Variants in ANKS1A observed in about 807,000 individuals in gnomAD.
ANKS1A encodes the protein ankyrin repeat and SAM domain-containing protein 1A.
ANKS1A carries 55 observed loss-of-function variants against 120.3 expected under a neutral mutation model. The observed-to-expected ratio is 0.46, with a 90% CI of 0.37 to 0.57. ANKS1A has a LOEUF of 0.57. Among genes scored for constraint, ANKS1A ranks in the 20% least tolerant of loss-of-function variants. The probability of loss-of-function intolerance (pLI) is 0.00; values close to 1 mark genes in which losing one functional copy is unlikely to be tolerated. For synonymous variants in ANKS1A, 590 were observed against 604.7 expected (o/e 0.98, Z 0.36); for missense variants, 1,123 against 1,480.3 (o/e 0.76, Z 3.96).
intron 3 of ANKS1A, among the ~76,000 whole-genome samples, chr6:34,972,264 A>G (rs977221679): frequency 3.9e-5 from 6 of 152,170 alleles, no homozygotes; most frequent in African/African-American, 1.2e-4. Context: ...TGCTTTGAGT[A>G]TCTGGTAGGC....
chr6:35,086,186 A>G lies in ANKS1A; in HGVS notation c.3303+250A>G. Reference sequence around the variant, plus strand: ...GGGCTCCCCCAAGGGCAAGGCCGTCAAGGGGCTGCAGAGAGCGGCCTGCAG... The same window carrying G: ...GGGCTCCCCCAAGGGCAAGGCCGTCGAGGGGCTGCAGAGAGCGGCCTGCAG... On this transcript the variant is annotated intron_variant, in intron 22 of 23. Transcript: ENST00000360359. The surrounding 1 kb of genome is among the most constrained non-coding windows in gnomAD (Gnocchi z 5.1). The G allele has an allele frequency of 7.8e-7, 1 of 1,286,790 alleles. No individual in the cohort carries two copies. Among genetic ancestry groups the G allele is most frequent in the Middle Eastern group, 1.9e-4 (1 of 5,268 alleles). The allele number at this position is 1,286,790 out of a possible 1,614,324, so 79.7% of individuals were successfully genotyped here. A position where few individuals can be genotyped will look rare whatever the true frequency, so the allele number is the denominator to read the frequency against.
intron 11 of ANKS1A, among the ~76,000 whole-genome samples, chr6:35,035,367 T>G (rs1775112634): frequency 6.6e-6 from 1 of 152,226 alleles, no homozygotes. Flanking sequence ...TGGCTTTGTT[T>G]TACCTGTTTT....
Position 35,017,476 on chromosome 6 carries a change from A to G in ANKS1A, c.1427A>G (p.His476Arg). Residue 476 changes from histidine to arginine, a missense_variant, in exon 11 of 24, where the codon CAC (histidine) becomes CGC (arginine). Around this residue, in one of 3 missense-constraint regions of ANKS1A, gnomAD observed 904 missense variants for 1,130.4 expected, o/e 0.80. Coordinates refer to ENST00000360359, the MANE Select transcript of ANKS1A (RefSeq NM_015245.3). ...VVLVDGKTKD[H>R]RRSSSSRSQD... is the part of the protein sequence containing the mutation. ...CTGTCTCTCCGTCCACTCCAAGACC[A>G]CAGGCGGAGCAGCAGCAGCCGGAGC... is the stretch of plus-strand genomic sequence containing the variant. 1 of 1,600,748 alleles carries G rather than the reference A, an allele frequency of 6.2e-7. No individual in the cohort carries two copies. Among genetic ancestry groups the G allele is most frequent in the Non-Finnish European group, 8.5e-7 (1 of 1,172,874 alleles).
chr6:34,985,082 G>A lies in ANKS1A; in HGVS notation c.1013G>A (p.Gly338Asp), dbSNP rs770479419. Residue 338 changes from glycine (G) to aspartate (D), a missense_variant and splice_region_variant, in exon 8 of 24, where the codon GGT becomes GAT. Gly to Asp is a moderately conservative substitution (Grantham distance 94). This residue lies in a region of ANKS1A where 904 missense variants were observed against 1,130.4 expected (regional missense o/e 0.80). Coordinates refer to ENST00000360359, the MANE Select transcript of ANKS1A (RefSeq NM_015245.3). ...CTCTTGCCCTCCATCCTCCTCTCAG[G>A]TGACGTGGAGAAAGCAGTGACTGAA... ...SMDSISQKSQ[G>D]DVEKAVTELI... 1 of 1,612,322 alleles carries A rather than the reference G, an allele frequency of 6.2e-7. No individual in the cohort carries two copies. The highest frequency in any genetic ancestry group is 1.1e-5 in the South Asian group (1 of 90,790).
intron 10 of ANKS1A, among the ~76,000 whole-genome samples, chr6:34,995,015 T>C (rs1772775847): frequency 6.6e-6 from 1 of 152,238 alleles, no homozygotes; most frequent in Non-Finnish European, 1.5e-5. Flanking sequence ...GAGTGTGCAC[T>C]GCTGGAGAAT....
intron 10 of ANKS1A, 139 bp from the exon 11 acceptor site, chr6:35,017,328 TCCTCTC>T: frequency 1.3e-6 from 1 of 769,458 alleles, no homozygotes; most frequent in Non-Finnish European, 2.0e-6. Flanking sequence ...TCTTCTTCTC[TCCTCTC>T]CCCCTCCCCA....
At chr6:34,930,730 T>G (rs1235551664) in intron 1 of ANKS1A, among the ~76,000 whole-genome samples, 1 of 152,132 alleles carries the variant, frequency 6.6e-6, no homozygotes, top group Non-Finnish European at 1.5e-5. Context: ...TTATATCTCC[T>G]AAGAAGTATC....
chr6:35,093,247 A>G (rs954731879), downstream of ANKS1A, among the ~76,000 whole-genome samples: 1 of 152,174 alleles, frequency 6.6e-6, no homozygotes, highest in Non-Finnish European at 1.5e-5. Flanking sequence ...ACACCATAAA[A>G]TATTTATTAC....
rs1356858619 is a variant in ANKS1A at position 34,967,818 on chromosome 6, T to C, written c.278+499T>C. ...TCTTTCATGTATAATTTAAACATCC[T>C]TCCCCACCCTACCCACCAAAAAATC... On this transcript the variant is annotated intron_variant, in intron 2 of 23. Coordinates refer to ENST00000360359, the MANE Select transcript of ANKS1A (RefSeq NM_015245.3). Among the ~76,000 whole-genome samples, 2 of 152,074 alleles carry C rather than the reference T, an allele frequency of 1.3e-5. 1 individual carries two copies. The highest frequency in any genetic ancestry group is 4.8e-5 in the African/African-American group (2 of 41,438).
chr6:35,076,248 C>G (rs1469392765), intron 13 of ANKS1A, among the ~76,000 whole-genome samples: 9 of 152,052 alleles, frequency 5.9e-5, no homozygotes, highest in Admixed American at 5.9e-4. Context: ...ACGATGAAAC[C>G]CAGTCTTTAC....
At chr6:34,906,614 A>G (rs1767660198) in intron 1 of ANKS1A, among the ~76,000 whole-genome samples, 1 of 152,226 alleles carries the variant, frequency 6.6e-6, no homozygotes, top group Non-Finnish European at 1.5e-5. Flanking sequence ...TGTAGGAATA[A>G]TGAGGGGAAT....
chr6:34,999,735 T>C (rs1432009121), intron 10 of ANKS1A, among the ~76,000 whole-genome samples: 1 of 151,924 alleles, frequency 6.6e-6, no homozygotes, highest in Non-Finnish European at 1.5e-5. Flanking sequence ...TTTCCCTACA[T>C]AGACAGTTAC....
chr6:35,074,790 G>A (rs1777260523), intron 13 of ANKS1A, among the ~76,000 whole-genome samples: 1 of 152,188 alleles, frequency 6.6e-6, no homozygotes, highest in Non-Finnish European at 1.5e-5. Flanking sequence ...CCTGGCTTTG[G>A]GGCTCTCTTC....
At chr6:35,037,084 T>C (rs776811769) in intron 11 of ANKS1A, among the ~76,000 whole-genome samples, 92 of 152,208 alleles carry the variant, frequency 6.0e-4, no homozygotes, top group Non-Finnish European at 1.5e-4. Context: ...AGCAATCAAA[T>C]AAAATGTAAT....
Position 34,932,835 on chromosome 6 carries a change from G to C in ANKS1A, c.198-34404G>C, listed in dbSNP as rs184510620. On this transcript the variant is annotated intron_variant, in intron 1 of 23. Transcript: ENST00000360359. Reference sequence around the variant, plus strand: ...ACATCCATATACAAAGTTTTGTGTAGACCTATGCTTTCATTTCTCTTGGAG... The same window carrying C: ...ACATCCATATACAAAGTTTTGTGTACACCTATGCTTTCATTTCTCTTGGAG... 2.6e-4 allele frequency among the ~76,000 whole-genome samples: 39 copies of C among 152,218 alleles called. No homozygotes were observed. In the East Asian group the frequency reaches 2.7e-3, roughly 11 times the overall value.
rs75243973 is a variant in ANKS1A at position 34,932,011 on chromosome 6, T to A, written c.198-35228T>A. On this transcript the variant is annotated intron_variant, in intron 1 of 23. Transcript: ENST00000360359. Reference sequence around the variant, plus strand: ...AGGGATGGGGTGGACTGTTAGGTGCTGAGGCCAGTGGCCAATGGCCAGTTG... The same window carrying A: ...AGGGATGGGGTGGACTGTTAGGTGCAGAGGCCAGTGGCCAATGGCCAGTTG... 7.6e-3 allele frequency among the ~76,000 whole-genome samples: 1,160 copies of A among 152,370 alleles called. 21 individuals carry two copies. Among genetic ancestry groups the A allele is most frequent in the African/African-American group, 0.026 (1,062 of 41,582 alleles).
chr6:34,927,331 T>C (rs1389954968), intron 1 of ANKS1A, among the ~76,000 whole-genome samples: 1 of 151,852 alleles, frequency 6.6e-6, no homozygotes, highest in Non-Finnish European at 1.5e-5. Context: ...GCAGAAGAAA[T>C]TGTTATGTCC....
chr6:34,980,326 A>G (rs1180358724), intron 3 of ANKS1A, among the ~76,000 whole-genome samples: 1 of 152,162 alleles, frequency 6.6e-6, no homozygotes, highest in Non-Finnish European at 1.5e-5. Context: ...TCCTGCTACT[A>G]CTTTTTCTGT....
intron 1 of ANKS1A, among the ~76,000 whole-genome samples, chr6:34,898,706 T>C (rs1463273803): frequency 6.6e-6 from 1 of 152,144 alleles, no homozygotes; most frequent in African/African-American, 2.4e-5. Context: ...GTGTACAATC[T>C]TGTTTTTTTC....
Sources: allele counts gnomAD v4.1 joint callset (sites outside exome capture counted in the v4.1 genomes callset), GRCh38; gene constraint gnomAD v4.1.1; regional missense constraint gnomAD v4.1.1; non-coding constraint Gnocchi (gnomAD v3.1); transcripts MANE v1.5; gene names NCBI Gene and HGNC (gene_info 2026-07-23, HGNC 2026-07-21).